SULF1: variants seen among roughly 807,000 people sequenced by gnomAD.
SULF1 encodes the protein extracellular sulfatase Sulf-1.
A neutral mutation model predicts 110.5 loss-of-function variants in SULF1; 46 were observed. The observed-to-expected ratio is 0.42, with a 90% CI of 0.33 to 0.53. The LOEUF is 0.53. Ranked by LOEUF, SULF1 falls within the 20% of genes least tolerant of loss-of-function variation. The probability of loss-of-function intolerance (pLI) is 0.12; values close to 1 mark genes in which losing one functional copy is unlikely to be tolerated. For missense variants in SULF1, 941 were observed against 1,094.2 expected (o/e 0.86, Z 1.98); for synonymous variants, 371 against 387.1 (o/e 0.96, Z 0.49).
At chr8:69,541,643 A>G (rs910862821) in intron 3 of SULF1, among the ~76,000 whole-genome samples, 5 of 152,256 alleles carry the variant, frequency 3.3e-5, no homozygotes, top group Non-Finnish European at 7.3e-5. Flanking sequence ...TCTTGTTCAA[A>G]TAGGGTACCA....
At chr8:69,617,385 A>G (rs1232167462) in intron 13 of SULF1, among the ~76,000 whole-genome samples, 5 of 1,780 alleles carry the variant, frequency 2.8e-3, no homozygotes, top group African/African-American at 0.021. Flanking sequence ...ATATATATAT[A>G]TATATATATA....
At chr8:69,621,325 T>A in intron 14 of SULF1, 74 bp downstream of exon 14, 1 of 1,066,108 alleles carries the variant, frequency 9.4e-7, no homozygotes, top group South Asian at 1.9e-5. Context: ...GACGAAAGGG[T>A]TGCTCCTTCT....
chr8:69,545,253 T>C (rs768953834), intron 3 of SULF1, among the ~76,000 whole-genome samples: 1 of 152,170 alleles, frequency 6.6e-6, no homozygotes, highest in Admixed American at 6.5e-5. Context: ...ACTTACCATA[T>C]GTTATTGTTT....
chr8:69,605,059 A>G (rs979641961), intron 13 of SULF1, 127 bp downstream of exon 13: 3 of 1,315,982 alleles, frequency 2.3e-6, no homozygotes, highest in African/African-American at 3.0e-5. Context: ...CTTGAGGGCA[A>G]GCTCACTGAG....
At chr8:69,477,739 A>G (rs1300617682) in intron 1 of SULF1, among the ~76,000 whole-genome samples, 1 of 152,200 alleles carries the variant, frequency 6.6e-6, no homozygotes, top group Non-Finnish European at 1.5e-5. Context: ...AGATTTCAGG[A>G]GCATGCCATC....
At chr8:69,597,294 C>T (rs1188597770) in intron 8 of SULF1, 1 of 152,152 alleles carries the variant, frequency 6.6e-6, no homozygotes, top group African/African-American at 2.4e-5. Flanking sequence ...TTCCAGTGAC[C>T]CCCGACCTTC....
intron 3 of SULF1, among the ~76,000 whole-genome samples, chr8:69,519,322 A>G (rs1812140254): frequency 6.6e-6 from 1 of 152,212 alleles, no homozygotes; most frequent in Admixed American, 6.5e-5. Flanking sequence ...CATAATAAAT[A>G]TTATTGAATA....
chr8:69,544,886 G>C (rs1010528393), intron 3 of SULF1, among the ~76,000 whole-genome samples: 8 of 151,986 alleles, frequency 5.3e-5, no homozygotes, highest in Non-Finnish European at 1.0e-4. Flanking sequence ...TCTTCTTTTG[G>C]ATATAAAATA....
intron 3 of SULF1, among the ~76,000 whole-genome samples, chr8:69,560,881 G>A (rs1262279406): frequency 6.6e-6 from 1 of 152,174 alleles, no homozygotes; most frequent in East Asian, 1.9e-4. Context: ...GATAGAGAGA[G>A]GACTCGTGCT....
chr8:69,507,604 T>A lies in SULF1; in HGVS notation c.-134+5636T>A, dbSNP rs528057571. Among the ~76,000 whole-genome samples, 3 of 152,358 alleles carry A rather than the reference T, an allele frequency of 2.0e-5. No individual in the cohort carries two copies. In the East Asian group the frequency reaches 5.8e-4, roughly 29 times the overall value. Reference sequence around the variant, plus strand: ...CTGTCATTATTGCATTAAATAGGGCTTAAAACAAATAAGCCATTGGCTGAG... The same window carrying A: ...CTGTCATTATTGCATTAAATAGGGCATAAAACAAATAAGCCATTGGCTGAG... On this transcript the variant is annotated intron_variant, in intron 3 of 22. Transcript: ENST00000402687.
At chr8:69,472,130 C>T (rs1379487806) in intron 1 of SULF1, among the ~76,000 whole-genome samples, 2 of 152,142 alleles carry the variant, frequency 1.3e-5, no homozygotes, top group South Asian at 2.1e-4. Context: ...GCATGAAGCC[C>T]TGGGTCCTGC....
intron 3 of SULF1, among the ~76,000 whole-genome samples, chr8:69,538,921 G>T (rs1010466162): frequency 1.3e-5 from 2 of 152,176 alleles, no homozygotes; most frequent in African/African-American, 4.8e-5. Flanking sequence ...TCGAACTGCT[G>T]ACCTTGTGAT....
At chr8:69,498,167 C>A (rs1003132669) in intron 2 of SULF1, among the ~76,000 whole-genome samples, 1 of 151,206 alleles carries the variant, frequency 6.6e-6, no homozygotes, top group African/African-American at 2.4e-5. Flanking sequence ...ACACACACAT[C>A]AGAGCTGTAC....
At chr8:69,498,171 GCTGTA>G (rs1810514590) in intron 2 of SULF1, among the ~76,000 whole-genome samples, 2 of 151,318 alleles carry the variant, frequency 1.3e-5, no homozygotes, top group African/African-American at 4.9e-5. Context: ...ACACATCAGA[GCTGTA>G]CTGAGTCATG....
At position 69,620,233 on chromosome 8, in the gene SULF1, A is replaced by G. The variant is rs901679268; in HGVS notation, c.1378-802A>G. On this transcript the variant is annotated intron_variant, in intron 13 of 22. Transcript: ENST00000402687. ...TCTTTCTCTGCCACCTTGTTCCACC[A>G]TTCGTCAGCTTGTCTCCTCATCTCC... Among the ~76,000 whole-genome samples, 4 of 152,238 alleles carry G rather than the reference A, an allele frequency of 2.6e-5. No individual in the cohort carries two copies. The South Asian group carries it at 8.3e-4, about 32-fold the overall frequency.
At chr8:69,656,645 A>G (rs1217639638) in intron 22 of SULF1, among the ~76,000 whole-genome samples, 1 of 152,156 alleles carries the variant, frequency 6.6e-6, no homozygotes, top group African/African-American at 2.4e-5. Context: ...CTGAATAGGA[A>G]ATGATCTCAT....
chr8:69,621,686 T>A, intron 14 of SULF1, among the ~76,000 whole-genome samples: 1 of 152,256 alleles, frequency 6.6e-6, no homozygotes, highest in East Asian at 1.9e-4. Flanking sequence ...AACACTTTTT[T>A]AAGGCATATA....
chr8:69,496,192 A>G (rs1303962493), intron 2 of SULF1, among the ~76,000 whole-genome samples: 1 of 152,276 alleles, frequency 6.6e-6, no homozygotes, highest in Non-Finnish European at 1.5e-5. Context: ...CATTTCTTAT[A>G]AAAGGGGCTT....
At chr8:69,609,947 C>T (rs1808515867) in intron 13 of SULF1, among the ~76,000 whole-genome samples, 2 of 152,208 alleles carry the variant, frequency 1.3e-5, no homozygotes, top group African/African-American at 4.8e-5. Flanking sequence ...TTTTCTTCTT[C>T]TTCTAGGCAT....
Sources: allele counts gnomAD v4.1 joint callset (sites outside exome capture counted in the v4.1 genomes callset), GRCh38; gene constraint gnomAD v4.1.1; transcripts MANE v1.5; gene names NCBI Gene and HGNC (gene_info 2026-07-23, HGNC 2026-07-21).